Variants in KANSL1 observed in about 807,000 individuals in gnomAD.
KANSL1 encodes KAT8 regulatory NSL complex subunit 1.
In KANSL1, 22 loss-of-function variants were observed where a neutral mutation model predicts 103.6. The ratio of observed to expected loss-of-function variants is 0.21; its 90% CI spans 0.15 to 0.30. The LOEUF (loss-of-function observed/expected upper bound fraction) is 0.30. KANSL1 is among the 10% of genes least tolerant of loss of function. The pLI, the probability that KANSL1 is intolerant of heterozygous loss-of-function variation, is 1.00. For synonymous variants in KANSL1, 600 were observed against 527.6 expected (o/e 1.14, Z -1.88); for missense variants, 1,337 against 1,399.8 (o/e 0.96, Z 0.72).
At chr17:46,224,908 C>T (rs1567818836), upstream of KANSL1, 2 of 151,830 alleles carry the variant, frequency 1.3e-5, no homozygotes, top group Non-Finnish European at 2.9e-5. Flanking sequence ...GGCCGTTGCC[C>T]GGCTCGCTTC....
At chr17:46,038,485 G>C in intron 10 of KANSL1, 53 bp downstream of exon 10, 1 of 1,594,104 alleles carries the variant, frequency 6.3e-7, no homozygotes, top group Non-Finnish European at 8.6e-7. Context: ...AGCCACTTGA[G>C]TGAGCTGTGA....
At position 46,053,455 on chromosome 17, in the gene KANSL1, A is replaced by AT. The variant is rs922608336; in HGVS notation, c.1849-2752dup. 2.0e-3 allele frequency among the ~76,000 whole-genome samples: 91 copies of AT among 46,464 alleles called. No homozygotes were observed. The South Asian group carries it at 0.022, about 11-fold the overall frequency. 30.5% of individuals were successfully genotyped at this position (46,464 alleles called of 152,430 possible). The stretch of plus-strand genomic sequence containing the variant: ...GTATATAAAAATATATTTAATACTT[A>AT]TTTTTTTTTTGAGACAAGAGTCTTG... On this transcript the variant is annotated intron_variant, in intron 6 of 14. Transcript: ENST00000432791.
chr17:46,125,453 A>G (rs781052275), intron 2 of KANSL1, among the ~76,000 whole-genome samples: 6 of 152,146 alleles, frequency 3.9e-5, no homozygotes, highest in Non-Finnish European at 8.8e-5. Flanking sequence ...CTGGAAATGA[A>G]CCTGTGATAT....
At chr17:46,093,793 C>T (rs967172768) in intron 3 of KANSL1, 3 of 152,210 alleles carry the variant, frequency 2.0e-5, no homozygotes, top group African/African-American at 7.2e-5. Context: ...AGCTCAGCCA[C>T]ACCAAGCTAA....
At chr17:46,080,143 A>T (rs575931989) in intron 4 of KANSL1, among the ~76,000 whole-genome samples, 3 of 152,140 alleles carry the variant, frequency 2.0e-5, no homozygotes, top group African/African-American at 7.2e-5. Flanking sequence ...AAATGAGAAT[A>T]AAAAAATTAA....
At chr17:46,067,845 C>T (rs1265103493) in intron 4 of KANSL1, among the ~76,000 whole-genome samples, 178 bp from the exon 5 acceptor site, 2 of 152,082 alleles carry the variant, frequency 1.3e-5, no homozygotes, top group African/African-American at 2.4e-5. Flanking sequence ...TATGATGGCT[C>T]GCAACTATAA....
chr17:46,121,178 C>CT (rs76101560), intron 2 of KANSL1: 20,664 of 143,870 alleles, frequency 0.14, 1,628 homozygotes, highest in East Asian at 0.46. Flanking sequence ...CCCCCTAACT[C>CT]TTTTTTTTTT....
At chr17:46,161,147 G>A (rs1398662077) in intron 2 of KANSL1, among the ~76,000 whole-genome samples, 1 of 151,386 alleles carries the variant, frequency 6.6e-6, no homozygotes, top group Non-Finnish European at 1.5e-5. Context: ...GGGCACAGTG[G>A]CTCACACCTG....
chr17:46,045,527 C>T (rs2077475497), intron 7 of KANSL1: 1 of 151,644 alleles, frequency 6.6e-6, no homozygotes, highest in African/African-American at 2.4e-5. Flanking sequence ...AGAAGCTCTT[C>T]GTGTGTGTGT....
At chr17:46,064,236 T>C (rs1043682052) in intron 6 of KANSL1, among the ~76,000 whole-genome samples, 2 of 152,098 alleles carry the variant, frequency 1.3e-5, no homozygotes, top group African/African-American at 2.4e-5. Flanking sequence ...AAAGAGAACA[T>C]GGCAAACTTA....
chr17:46,161,143 A>G (rs946930571), intron 2 of KANSL1, among the ~76,000 whole-genome samples: 1 of 151,602 alleles, frequency 6.6e-6, no homozygotes, highest in African/African-American at 2.4e-5. Flanking sequence ...AGCAGGGCAC[A>G]GTGGCTCACA....
intron 1 of KANSL1, among the ~76,000 whole-genome samples, chr17:46,181,840 T>A (rs1428162015): frequency 1.3e-5 from 2 of 152,180 alleles, no homozygotes; most frequent in Non-Finnish European, 2.9e-5. Flanking sequence ...CAACTCCGTA[T>A]CTTTGCCTAT....
chr17:46,040,863 G>A (rs1433040301), intron 7 of KANSL1: 3 of 152,150 alleles, frequency 2.0e-5, no homozygotes, highest in African/African-American at 4.8e-5. Flanking sequence ...TTGACATACC[G>A]GTCTTAAATA....
At chr17:46,101,270 T>C (rs1303865463) in intron 2 of KANSL1, among the ~76,000 whole-genome samples, 1 of 152,184 alleles carries the variant, frequency 6.6e-6, no homozygotes, top group Non-Finnish European at 1.5e-5. Flanking sequence ...ACTCACTACC[T>C]AGCTCAAAAG....
At chr17:46,155,136 C>G (rs1222754695) in intron 2 of KANSL1, among the ~76,000 whole-genome samples, 1 of 150,690 alleles carries the variant, frequency 6.6e-6, no homozygotes, top group Non-Finnish European at 1.5e-5. Context: ...GGCCCTAATC[C>G]AATAGTTCTC....
chr17:46,096,311 C>CTTTTTTTTTTTTTTTTTTGTTTTT (rs2042071346), intron 2 of KANSL1, among the ~76,000 whole-genome samples: 1 of 76,408 alleles, frequency 1.3e-5, no homozygotes, highest in Non-Finnish European at 2.5e-5. Flanking sequence ...GCTTTTTTTT[C>CTTTTTTTTTTTTTTTTTTGTTTTT]TTTTTTTTTT....
Position 46,092,115 on chromosome 17 carries a change from G to A in KANSL1, c.1431+2445C>T, listed in dbSNP as rs183370593. Among the ~76,000 whole-genome samples, 39 of 152,310 alleles carry A rather than the reference G, an allele frequency of 2.6e-4. 2 individuals carry two copies. In the East Asian group the frequency reaches 7.0e-3, roughly 27 times the overall value. ...CTCCCAAAGTGCTGAGATTACAGGC[G>A]TGAGCCACTGCGCACGGCCCTCAGC... On this transcript the variant is annotated intron_variant, in intron 3 of 14. Transcript: ENST00000432791.
chr17:46,203,280 A>G (rs2047864644), intron 1 of KANSL1, among the ~76,000 whole-genome samples: 2 of 152,230 alleles, frequency 1.3e-5, no homozygotes, highest in Non-Finnish European at 2.9e-5. Flanking sequence ...AGGGTAGGAA[A>G]AAACAACTAC....
Position 46,031,318 on chromosome 17 carries a change from A to T in KANSL1, c.*158T>A. The stretch of plus-strand genomic sequence containing the variant: ...TGGAAACAAAAACAAAACAAAAATT[A>T]AAACAAGAAAAAAAAATACCAAAGT... On this transcript the variant is annotated 3_prime_UTR_variant, in exon 15 of 15. Transcript: ENST00000432791. 1 of 742,150 alleles carries T rather than the reference A, an allele frequency of 1.3e-6. No individual in the cohort carries two copies. Among genetic ancestry groups the T allele is most frequent in the Non-Finnish European group, 2.1e-6 (1 of 466,562 alleles). 46.0% of individuals were successfully genotyped at this position (742,150 alleles called of 1,614,324 possible). A position where few individuals can be genotyped will look rare whatever the true frequency, so the allele number is the denominator to read the frequency against.
Sources: gnomAD v4.1 joint callset for allele counts (sites outside exome capture counted in the v4.1 genomes callset) on GRCh38, gnomAD v4.1.1 for gene constraint, MANE v1.5 for transcripts, NCBI Gene and HGNC (gene_info 2026-07-23, HGNC 2026-07-21) for gene names.